The following OTUD3 variants were observed in gnomAD, a reference collection of about 807,000 sequenced individuals.
OTUD3 encodes OTU domain-containing protein 3.
OTUD3 carries 24 observed loss-of-function variants against 46.2 expected under a neutral mutation model. That is an observed-to-expected ratio of 0.52 (90% CI 0.38 to 0.73). The LOEUF is 0.73. Among genes scored for constraint, OTUD3 ranks in the 30% least tolerant of loss-of-function variants. The pLI is 0.00. For missense variants in OTUD3, 455 were observed against 523.3 expected (o/e 0.87, Z 1.27); for synonymous variants, 189 against 195.4 (o/e 0.97, Z 0.27).
chr1:19,906,940 A>G (rs546351949), intron 7 of OTUD3: 6 of 199,060 alleles, frequency 3.0e-5, no homozygotes, highest in Admixed American at 5.4e-5. Context: ...ATGATCTGCA[A>G]TGAACACCTT....
intron 2 of OTUD3, among the ~76,000 whole-genome samples, chr1:19,893,632 TGTG>T (rs2045479047): frequency 6.6e-6 from 1 of 152,240 alleles, no homozygotes; most frequent in Non-Finnish European, 1.5e-5. Context: ...TGATGCCAGA[TGTG>T]GTGGAGAGGC....
chr1:19,886,676 T>C (rs1438151797), intron 1 of OTUD3, among the ~76,000 whole-genome samples: 1 of 152,244 alleles, frequency 6.6e-6, no homozygotes, highest in Non-Finnish European at 1.5e-5. Flanking sequence ...ATTTAGAGTC[T>C]AGATGCTCAA....
At chr1:19,903,033 CTT>C (rs2045610932) in intron 4 of OTUD3, among the ~76,000 whole-genome samples, 1 of 129,542 alleles carries the variant, frequency 7.7e-6, no homozygotes, top group Admixed American at 8.6e-5. Flanking sequence ...TTACCTGAAT[CTT>C]TTCTCTTTTT....
In OTUD3 at chr1:19,894,492, A is replaced by T. The variant is rs571921740; in HGVS notation, c.483+12A>T. 7.1e-7 allele frequency: 1 copy of T among 1,414,702 alleles called. No homozygotes were observed. The highest frequency in any genetic ancestry group is 2.3e-5 in the East Asian group (1 of 43,624). The allele number at this position is 1,414,702 out of a possible 1,614,324, so 87.6% of individuals were successfully genotyped here. ...CCCCTTTGTGGCAGGTAGGTCACCT[A>T]TTTAAACATTTATCTTAAGCTCTTA... On this transcript the variant is annotated intron_variant, in intron 3 of 7. Transcript: ENST00000375120.
intron 3 of OTUD3, among the ~76,000 whole-genome samples, chr1:19,896,563 A>G (rs1183814243): frequency 1.3e-5 from 2 of 152,152 alleles, no homozygotes; most frequent in Non-Finnish European, 2.9e-5. Flanking sequence ...CGCTACTGAC[A>G]TCTAGACTTG....
intron 7 of OTUD3, chr1:19,906,836 T>G: frequency 2.4e-6 from 1 of 425,156 alleles, no homozygotes; most frequent in Non-Finnish European, 4.2e-6. Context: ...CCTGAAATTG[T>G]CCTCAGTGTA....
chr1:19,889,333 C>A (rs976031146), intron 1 of OTUD3, among the ~76,000 whole-genome samples: 6 of 151,896 alleles, frequency 4.0e-5, no homozygotes, highest in African/African-American at 1.5e-4. Context: ...AGAAGAGATT[C>A]CAGCCTTTCT....
At chr1:19,895,959 A>G (rs563364589) in intron 3 of OTUD3, among the ~76,000 whole-genome samples, 1 of 152,272 alleles carries the variant, frequency 6.6e-6, no homozygotes, top group Admixed American at 6.5e-5. Flanking sequence ...GTAGTTGTGG[A>G]AGACATTTCT....
intron 2 of OTUD3, among the ~76,000 whole-genome samples, chr1:19,893,889 G>A (rs537451652): frequency 7.9e-5 from 12 of 152,340 alleles, no homozygotes; most frequent in Admixed American, 6.5e-4. Context: ...ATTGGGCTGC[G>A]TAGGTGAAAC....
In OTUD3 at chr1:19,910,629, G is replaced by C. The variant is rs546824630; in HGVS notation, c.*2883G>C. 6.6e-6 allele frequency: 1 copy of C among 152,322 alleles called. No homozygotes were observed. Among genetic ancestry groups the C allele is most frequent in the African/African-American group, 2.4e-5 (1 of 41,442 alleles). The allele number at this position is 152,322 out of a possible 1,614,324, so 9.4% of individuals were successfully genotyped here. A position where few individuals can be genotyped will look rare whatever the true frequency, so the allele number is the denominator to read the frequency against. Reference sequence around the variant, plus strand: ...GCAGAAAGAATTTTAAATGTTAGTCGAAGTTGTCTGTAGTTTCTTTATTAA... The same window carrying C: ...GCAGAAAGAATTTTAAATGTTAGTCCAAGTTGTCTGTAGTTTCTTTATTAA... On this transcript the variant is annotated 3_prime_UTR_variant, in exon 8 of 8. Coordinates refer to ENST00000375120, the MANE Select transcript of OTUD3 (RefSeq NM_015207.2).
intron 7 of OTUD3, 53 bp downstream of exon 7, chr1:19,906,669 CAGT>C: frequency 1.4e-6 from 2 of 1,414,330 alleles, no homozygotes; most frequent in South Asian, 1.3e-5. Context: ...AATTCTGTGG[CAGT>C]GGTGGTAGCT....
chr1:19,906,229 G>A (rs1287738645), intron 6 of OTUD3, among the ~76,000 whole-genome samples: 1 of 152,160 alleles, frequency 6.6e-6, no homozygotes, highest in Non-Finnish European at 1.5e-5. Context: ...TGGTCAGTGG[G>A]TTATTTTAGA....
chr1:19,895,028 T>C (rs951534730), intron 3 of OTUD3, among the ~76,000 whole-genome samples: 10 of 152,386 alleles, frequency 6.6e-5, no homozygotes, highest in African/African-American at 2.4e-4. Flanking sequence ...TTGCTGTTAA[T>C]GTTTTAGTGA....
At chr1:19,896,708 A>T (rs1055257249) in intron 3 of OTUD3, among the ~76,000 whole-genome samples, 1 of 152,208 alleles carries the variant, frequency 6.6e-6, no homozygotes, top group African/African-American at 2.4e-5. Flanking sequence ...AAACAAAGGA[A>T]CCATTACTGG....
intron 3 of OTUD3, among the ~76,000 whole-genome samples, chr1:19,895,871 T>TA (rs1361196517): frequency 1.3e-5 from 2 of 152,208 alleles, no homozygotes; most frequent in African/African-American, 4.8e-5. Flanking sequence ...TGAAGGGGAA[T>TA]ACTCACTACC....
At chr1:19,905,785 C>T (rs2045651617) in intron 6 of OTUD3, among the ~76,000 whole-genome samples, 1 of 152,134 alleles carries the variant, frequency 6.6e-6, no homozygotes, top group South Asian at 2.1e-4. Context: ...TTTCTCAAGT[C>T]ATTTATTTAA....
Position 19,908,668 on chromosome 1 carries a change from A to G in OTUD3, c.*922A>G, listed in dbSNP as rs1317646800. 1 of 152,388 alleles carries G rather than the reference A, an allele frequency of 6.6e-6. No homozygotes were observed. The highest frequency in any genetic ancestry group is 1.5e-5 in the Non-Finnish European group (1 of 68,044). 9.4% of individuals were successfully genotyped at this position (152,388 alleles called of 1,614,324 possible). A position where few individuals can be genotyped will look rare whatever the true frequency, so the allele number is the denominator to read the frequency against. On this transcript the variant is annotated 3_prime_UTR_variant, in exon 8 of 8. Transcript: ENST00000375120. ...GAAGCCTGGAAGAATAAGGTTTTTC[A>G]TGTTCGCATTTTAAATAACGATTTT...
At chr1:19,904,235 A>G in intron 4 of OTUD3, 32 bp from the exon 5 acceptor site, 1 of 1,541,286 alleles carries the variant, frequency 6.5e-7, no homozygotes, top group Middle Eastern at 1.7e-4. Context: ...GATTCTCAAC[A>G]TAGTTCCCTG....
chr1:19,905,663 C>A (rs1020706896), intron 6 of OTUD3, among the ~76,000 whole-genome samples: 4 of 152,108 alleles, frequency 2.6e-5, no homozygotes, highest in Admixed American at 6.5e-5. Context: ...ATTGCTTGAA[C>A]CTGGGAGGTG....
Sources: allele counts gnomAD v4.1 joint callset (sites outside exome capture counted in the v4.1 genomes callset), GRCh38; gene constraint gnomAD v4.1.1; transcripts MANE v1.5; gene names NCBI Gene and HGNC (gene_info 2026-07-23, HGNC 2026-07-21).